The following MARK4 variants were observed in gnomAD, a reference collection of about 807,000 sequenced individuals.
MARK4 encodes the protein microtubule affinity regulating kinase 4.
A neutral mutation model predicts 81.5 loss-of-function variants in MARK4; 19 were observed. The ratio of observed to expected loss-of-function variants is 0.23; its 90% CI spans 0.16 to 0.34. The LOEUF (loss-of-function observed/expected upper bound fraction) is 0.34. MARK4 is among the 10% of genes least tolerant of loss of function. MARK4 has a pLI of 1.00. For synonymous variants in MARK4, 436 were observed against 439.0 expected (o/e 0.99, Z 0.08); for missense variants, 772 against 1,058.8 (o/e 0.73, Z 3.76).
intron 2 of MARK4, among the ~76,000 whole-genome samples, chr19:45,260,073 T>A (rs1308053448): frequency 6.8e-6 from 1 of 146,426 alleles, no homozygotes; most frequent in Non-Finnish European, 1.5e-5. Context: ...GGTGACAGAG[T>A]GAGACTCTGT....
At chr19:45,298,152 C>T (rs773276030) in intron 15 of MARK4, 198 bp downstream of exon 15, 10 of 1,613,954 alleles carry the variant, frequency 6.2e-6, no homozygotes, top group African/African-American at 1.3e-5. Context: ...GGGTTACCCT[C>T]GATCCCTCTA....
At chr19:45,266,979 G>A (rs533061910) in intron 7 of MARK4, among the ~76,000 whole-genome samples, 5 of 152,126 alleles carry the variant, frequency 3.3e-5, no homozygotes, top group East Asian at 1.9e-4. Context: ...TGATCCGCCC[G>A]CCTCAGCCTC....
intron 13 of MARK4, among the ~76,000 whole-genome samples, chr19:45,290,622 A>AC (rs1970808458): frequency 6.6e-6 from 1 of 152,170 alleles, no homozygotes; most frequent in Non-Finnish European, 1.5e-5. Flanking sequence ...TCTGGCTATT[A>AC]CCACTTATGA....
chr19:45,264,239 C>T (rs1970420014), intron 4 of MARK4, among the ~76,000 whole-genome samples: 2 of 151,762 alleles, frequency 1.3e-5, no homozygotes, highest in Admixed American at 6.6e-5. Flanking sequence ...CGGTGGCTCA[C>T]GTCTGTAATC....
intron 16 of MARK4, among the ~76,000 whole-genome samples, chr19:45,301,958 T>G (rs550422374): frequency 6.6e-6 from 1 of 152,296 alleles, no homozygotes; most frequent in African/African-American, 2.4e-5. Context: ...CACTGTGATC[T>G]ATGCGGTCAT....
chr19:45,259,220 C>T (rs1161200780), intron 2 of MARK4, 31 bp downstream of exon 2: 16 of 1,609,306 alleles, frequency 9.9e-6, no homozygotes, highest in Non-Finnish European at 1.1e-5. Flanking sequence ...GGGCTCGGGG[C>T]AGGTCCCTGT....
chr19:45,254,200 G>T (rs1970279366), intron 1 of MARK4, among the ~76,000 whole-genome samples: 1 of 152,158 alleles, frequency 6.6e-6, no homozygotes. Flanking sequence ...CCGGGTGTTG[G>T]GGCGCCAGCC....
chr19:45,271,999 T>C lies in MARK4; in HGVS notation c.786+291T>C, dbSNP rs936083300. ...GCCCACTTCTCTGTGTCAGGCTCTG[T>C]TTTGGGCTTTGCATGTAAGGCGAGA... On this transcript the variant is annotated intron_variant, in intron 8 of 16. Coordinates refer to ENST00000262891, the MANE Select transcript of MARK4 (RefSeq NM_001199867.2). This position sits in a 1 kb window ranked among gnomAD's most constrained non-coding sequence, Gnocchi z 4.1. Among the ~76,000 whole-genome samples, 52 of 152,158 alleles carry C rather than the reference T, an allele frequency of 3.4e-4. No individual in the cohort carries two copies. Among genetic ancestry groups the C allele is most frequent in the African/African-American group, 1.2e-3 (51 of 41,440 alleles).
chr19:45,275,276 G>T (rs1017527932), intron 8 of MARK4, among the ~76,000 whole-genome samples: 2 of 151,772 alleles, frequency 1.3e-5, no homozygotes, highest in Non-Finnish European at 2.9e-5. Flanking sequence ...AATAAAAAGA[G>T]TTTGACACCA....
chr19:45,299,927 G>A, intron 16 of MARK4, 72 bp downstream of exon 16: 1 of 1,470,438 alleles, frequency 6.8e-7, no homozygotes, highest in Non-Finnish European at 9.2e-7. Context: ...ACTTACCCCA[G>A]GGCATTAGAT....
intron 12 of MARK4, among the ~76,000 whole-genome samples, chr19:45,285,941 T>C (rs1389091186): frequency 6.6e-6 from 1 of 152,232 alleles, no homozygotes; most frequent in Non-Finnish European, 1.5e-5. Context: ...GTTCATACAA[T>C]AACATCCTTG....
intron 8 of MARK4, among the ~76,000 whole-genome samples, chr19:45,276,540 G>C (rs1970599845): frequency 6.6e-6 from 1 of 152,086 alleles, no homozygotes; most frequent in Non-Finnish European, 1.5e-5. Context: ...AGAGGCAGTA[G>C]GGTCTCCTTC....
chr19:45,287,337 C>A, intron 12 of MARK4, 110 bp from the exon 13 acceptor site: 1 of 677,086 alleles, frequency 1.5e-6, no homozygotes, highest in Non-Finnish European at 2.3e-6. Context: ...CAGAATGGCC[C>A]ACACAGAGAT....
At position 45,294,373 on chromosome 19, in the gene MARK4, A is replaced by G; in HGVS notation, c.1519A>G (p.Thr507Ala). Residue 507 changes from threonine to alanine, a missense_variant, in exon 14 of 17, where the codon ACC (threonine) becomes GCC (alanine). By Grantham distance (58) the Thr-to-Ala change is moderately conservative (BLOSUM62 0). Around this residue, in one of 3 missense-constraint regions of MARK4, gnomAD observed 548 missense variants for 624.3 expected, o/e 0.88. Coordinates refer to ENST00000262891, the MANE Select transcript of MARK4 (RefSeq NM_001199867.2). ...TPNNLPPSMM[T>A]RRNTYVCTER... ...GAACAACCTCCCTCCTAGCATGATG[A>G]CCCGCAGAAACACCTACGTTTGCAC... 1 of 1,613,918 alleles carries G rather than the reference A, an allele frequency of 6.2e-7. No individual in the cohort carries two copies. The highest frequency in any genetic ancestry group is 8.5e-7 in the Non-Finnish European group (1 of 1,179,972).
intron 13 of MARK4, among the ~76,000 whole-genome samples, chr19:45,288,821 G>C (rs1008427955): frequency 2.1e-5 from 3 of 144,562 alleles, no homozygotes; most frequent in African/African-American, 7.8e-5. Context: ...CTGCACTCCA[G>C]TCTGGGTGAC....
rs1409861527 is a variant in MARK4 at position 45,303,194 on chromosome 19, G to A, written c.*484G>A. On this transcript the variant is annotated 3_prime_UTR_variant, in exon 17 of 17. Coordinates refer to ENST00000262891, the MANE Select transcript of MARK4 (RefSeq NM_001199867.2). ...CCCACTTCCTGCCCCAGGCTGGCGC[G>A]GGGCACTTTGTACAAATCCTTGTAA... The A allele has an allele frequency of 1.1e-5, 2 of 181,604 alleles. No individual in the cohort carries two copies. Among genetic ancestry groups the A allele is most frequent in the African/African-American group, 2.4e-5 (1 of 41,558 alleles). The allele number at this position is 181,604 out of a possible 1,614,324, so 11.2% of individuals were successfully genotyped here.
chr19:45,252,565 C>T (rs532271477), intron 1 of MARK4, among the ~76,000 whole-genome samples: 22 of 152,154 alleles, frequency 1.4e-4, no homozygotes, highest in Non-Finnish European at 2.2e-4. Flanking sequence ...TCTCCTGCCC[C>T]AGGGCCTCCC....
intron 1 of MARK4, 126 bp from the exon 2 acceptor site, chr19:45,258,863 C>T (rs1040534939): frequency 2.5e-5 from 25 of 981,480 alleles, no homozygotes; most frequent in South Asian, 5.1e-5. Context: ...ATGCTTGGCT[C>T]TCTGGGGCCT....
At chr19:45,261,613 C>G (rs1970381715) in intron 2 of MARK4, among the ~76,000 whole-genome samples, 3 of 152,128 alleles carry the variant, frequency 2.0e-5, no homozygotes, top group Admixed American at 6.6e-5. Flanking sequence ...GGACCTGGCC[C>G]CATCTCTGTT....
Sources: allele counts gnomAD v4.1 joint callset (sites outside exome capture counted in the v4.1 genomes callset), GRCh38; gene constraint gnomAD v4.1.1; regional missense constraint gnomAD v4.1.1; non-coding constraint Gnocchi (gnomAD v3.1); transcripts MANE v1.5; gene names NCBI Gene and HGNC (gene_info 2026-07-23, HGNC 2026-07-21).